The following CAMK2D variants were observed in gnomAD, a reference collection of about 807,000 sequenced individuals.
CAMK2D encodes the protein calcium/calmodulin dependent protein kinase II delta.
A neutral mutation model predicts 84.0 loss-of-function variants in CAMK2D; 37 were observed. That is an observed-to-expected ratio of 0.44 (90% confidence interval 0.34 to 0.58). The LOEUF (loss-of-function observed/expected upper bound fraction) is 0.58. Among genes scored for constraint, CAMK2D ranks in the 20% least tolerant of loss-of-function variants. The probability of loss-of-function intolerance (pLI) is 0.02; values close to 1 mark genes in which losing one functional copy is unlikely to be tolerated. For synonymous variants in CAMK2D, 202 were observed against 212.5 expected (o/e 0.95, Z 0.43); for missense variants, 448 against 652.5 (o/e 0.69, Z 3.41).
At chr4:113,735,645 G>A (rs1326468424) in intron 2 of CAMK2D, among the ~76,000 whole-genome samples, 1 of 152,120 alleles carries the variant, frequency 6.6e-6, no homozygotes, top group Non-Finnish European at 1.5e-5. Context: ...TCTAGCTGTA[G>A]TAATAAAATG....
At chr4:113,470,250 G>GCCT (rs1326926285) in intron 16 of CAMK2D, among the ~76,000 whole-genome samples, 4 of 151,954 alleles carry the variant, frequency 2.6e-5, no homozygotes, top group African/African-American at 9.7e-5. Context: ...CCTATTACCA[G>GCCT]CCCTTTATAT....
chr4:113,685,730 G>C (rs2099357846), intron 2 of CAMK2D, among the ~76,000 whole-genome samples: 1 of 152,016 alleles, frequency 6.6e-6, no homozygotes, highest in Non-Finnish European at 1.5e-5. Flanking sequence ...TGAGAGATAG[G>C]GCTGATAATA....
intron 16 of CAMK2D, among the ~76,000 whole-genome samples, chr4:113,481,532 T>A (rs1303957734): frequency 6.6e-6 from 1 of 152,070 alleles, no homozygotes; most frequent in Non-Finnish European, 1.5e-5. Context: ...CAGGCTGGAG[T>A]GCAGTGGTGC....
chr4:113,508,672 C>T (rs1184486123), intron 13 of CAMK2D, among the ~76,000 whole-genome samples: 2 of 152,170 alleles, frequency 1.3e-5, no homozygotes, highest in African/African-American at 4.8e-5. Context: ...TAAAGGAAAT[C>T]ACAAATGCAC....
chr4:113,631,913 T>C (rs1252752847), intron 3 of CAMK2D, among the ~76,000 whole-genome samples: 1 of 152,106 alleles, frequency 6.6e-6, no homozygotes, highest in Non-Finnish European at 1.5e-5. Context: ...ACTTGAAAGT[T>C]TTGAAGGAAA....
intron 2 of CAMK2D, chr4:113,754,834 G>A (rs974832897): frequency 1.0e-6 from 1 of 984,310 alleles, no homozygotes; most frequent in African/African-American, 1.7e-5. Flanking sequence ...TAATAAGGAT[G>A]ACACATGCCA....
chr4:113,455,847 C>T (rs568850894), intron 19 of CAMK2D, 26 bp from the exon 20 acceptor site: 51 of 1,388,948 alleles, frequency 3.7e-5, no homozygotes, highest in Admixed American at 1.5e-4. Flanking sequence ...CCATTTAAGC[C>T]ACCTGGCATA....
intron 3 of CAMK2D, among the ~76,000 whole-genome samples, chr4:113,613,669 A>G (rs546285379): frequency 6.6e-6 from 1 of 152,254 alleles, no homozygotes; most frequent in Non-Finnish European, 1.5e-5. Context: ...TTATTTTTCC[A>G]CTTCAAATTA....
At chr4:113,515,311 T>C (rs2098270566) in intron 9 of CAMK2D, 120 bp from the exon 10 acceptor site, 3 of 635,974 alleles carry the variant, frequency 4.7e-6, no homozygotes, top group South Asian at 2.2e-5. Context: ...TTACTTTTTA[T>C]ATAAGTTAAG....
At chr4:113,638,839 T>A (rs541460147) in intron 3 of CAMK2D, among the ~76,000 whole-genome samples, 1 of 152,294 alleles carries the variant, frequency 6.6e-6, no homozygotes, top group African/African-American at 2.4e-5. Context: ...AGGTGGAATT[T>A]CTCATGTGAA....
chr4:113,691,263 T>C (rs1306473992), intron 2 of CAMK2D, among the ~76,000 whole-genome samples: 9 of 152,212 alleles, frequency 5.9e-5, no homozygotes, highest in Non-Finnish European at 1.5e-5. Flanking sequence ...GTGTTAGATT[T>C]AGTTACCATA....
chr4:113,662,673 T>G (rs79158128), intron 2 of CAMK2D, among the ~76,000 whole-genome samples: 3,242 of 152,328 alleles, frequency 0.021, 111 homozygotes, highest in African/African-American at 0.075. Flanking sequence ...ACTGCCTCGA[T>G]TAATGCAAAG....
chr4:113,477,470 G>T (rs1289218569), intron 16 of CAMK2D, among the ~76,000 whole-genome samples: 1 of 152,174 alleles, frequency 6.6e-6, no homozygotes, highest in Admixed American at 6.5e-5. Flanking sequence ...AGTTGGCCAG[G>T]TGCAGTGGCC....
rs181636796 is a variant in CAMK2D at position 113,684,520 on chromosome 4, T to C, written c.161-22748A>G. Among the ~76,000 whole-genome samples the C allele has an allele frequency of 2.6e-5, 4 of 152,298 alleles. No homozygotes were observed. In the East Asian group the frequency reaches 7.7e-4, roughly 29 times the overall value. ...ATGACTGAAAAGAATGATTGCTTTT[T>C]TCTTCTTTGTGTAACAGAGGACTTG... On this transcript the variant is annotated intron_variant, in intron 2 of 20. Transcript: ENST00000511664.
intron 4 of CAMK2D, among the ~76,000 whole-genome samples, chr4:113,570,839 A>G (rs1591377967): frequency 6.6e-6 from 1 of 152,178 alleles, no homozygotes; most frequent in African/African-American, 2.4e-5. Context: ...AAAAGGAAAC[A>G]ATCAACAGAG....
chr4:113,647,061 G>GT lies in CAMK2D; in HGVS notation c.220+14651dup, dbSNP rs550425475. On this transcript the variant is annotated intron_variant, in intron 3 of 20. Transcript: ENST00000511664. ...GGTGTTTTGCAGTTGTTACACCATAGTAACACATCACTGATTCAGATTAAT... is the reference window on the plus strand; with the variant it reads ...GGTGTTTTGCAGTTGTTACACCATAGTTAACACATCACTGATTCAGATTAAT... Among the ~76,000 whole-genome samples the GT allele has an allele frequency of 4.3e-3, 650 of 152,168 alleles. 8 individuals carry two copies. Among genetic ancestry groups the GT allele is most frequent in the African/African-American group, 0.015 (628 of 41,518 alleles).
chr4:113,571,788 T>G (rs960574093), intron 4 of CAMK2D, among the ~76,000 whole-genome samples: 10 of 152,250 alleles, frequency 6.6e-5, no homozygotes, highest in African/African-American at 2.4e-4. Flanking sequence ...AAAATTTGTC[T>G]ATAACTAGCT....
chr4:113,657,599 G>A (rs2099207420), intron 3 of CAMK2D, among the ~76,000 whole-genome samples: 1 of 152,106 alleles, frequency 6.6e-6, no homozygotes, highest in Non-Finnish European at 1.5e-5. Flanking sequence ...TTTATACAAT[G>A]TTGTATTTTC....
Position 113,457,361 on chromosome 4 carries a change from G to T in CAMK2D, c.1509C>A (p.Arg503=), listed in dbSNP as rs1460219367. The part of the protein sequence containing the change: ...DGKWQNVHFH[R]SGSPTVPIKP... The stretch of plus-strand genomic sequence containing the variant: ...TGATGGGTACTGTTGGTGACCCCGA[G>T]CGATGAAAATGAACATTCTGCCACT... The change falls in exon 19 of 21, where the codon CGC becomes CGA. Residue 503 remains arginine (R), a synonymous_variant. Transcript: ENST00000511664. 1.2e-6 allele frequency: 2 copies of T among 1,613,576 alleles called. No homozygotes were observed. The highest frequency in any genetic ancestry group is 2.7e-5 in the African/African-American group (2 of 74,876).
Sources: gnomAD v4.1 joint callset for allele counts (sites outside exome capture counted in the v4.1 genomes callset) on GRCh38, gnomAD v4.1.1 for gene constraint, MANE v1.5 for transcripts, NCBI Gene and HGNC (gene_info 2026-07-23, HGNC 2026-07-21) for gene names.